The following ZBBX variants were observed in gnomAD, a reference collection of about 807,000 sequenced individuals.
ZBBX encodes zinc finger B-box domain containing.
In ZBBX, 101 loss-of-function variants were observed where a neutral mutation model predicts 108.5. That is an observed-to-expected ratio of 0.93 (90% confidence interval 0.79 to 1.10). The LOEUF is 1.10. ZBBX is among the 50% of genes least tolerant of loss of function. The pLI, the probability that ZBBX is intolerant of heterozygous loss-of-function variation, is 0.00. For missense variants in ZBBX, 1,009 were observed against 941.4 expected (o/e 1.07, Z -0.94); for synonymous variants, 356 against 323.4 (o/e 1.10, Z -1.08).
At position 167,288,980 on chromosome 3, in the gene ZBBX, T is replaced by C; in HGVS notation, c.1883A>G (p.Asp628Gly). The C allele has an allele frequency of 6.6e-7, 1 of 1,526,450 alleles. No homozygotes were observed. The highest frequency in any genetic ancestry group is 8.8e-7 in the Non-Finnish European group (1 of 1,133,154). The allele number at this position is 1,526,450 out of a possible 1,614,324, so 94.6% of individuals were successfully genotyped here. ...NSSTRITLAE[D>G]REWIPDHSLS... ...GCTATGGTCTGGAATCCATTCTCTG[T>C]CTTCTGAAATTGAAAAACAGTAAGA... The change falls in exon 19 of 22, where the codon GAC becomes GGC. Residue 628 changes from aspartate (D) to glycine (G), a missense_variant. By Grantham distance (94) the Asp-to-Gly change is moderately conservative. Transcript: ENST00000675490.
the ZBBX span, among the ~76,000 whole-genome samples, chr3:167,187,998 C>T: frequency 3.9e-5 from 6 of 152,090 alleles, no homozygotes; most frequent in Admixed American, 3.3e-4. Context: ...TCCAGAATTA[C>T]GTATTTTCCA....
intron 3 of ZBBX, 105 bp from the exon 4 acceptor site, chr3:167,373,055 C>G: frequency 1.9e-6 from 1 of 532,958 alleles, no homozygotes; most frequent in East Asian, 3.2e-5. Flanking sequence ...ACCTTATGAG[C>G]AAAAAGGCTG....
Position 167,333,923 on chromosome 3 carries a change from AT to A in ZBBX, c.590del (p.Asn197IlefsTer34), listed in dbSNP as rs749955948. On this transcript the variant is annotated frameshift_variant, in exon 10 of 22. Coordinates refer to ENST00000675490, the MANE Select transcript of ZBBX (RefSeq NM_001199201.2). LOFTEE classifies it high-confidence loss of function. ...TATTCTCCTCTTTGGGTTCATCTGGATTAACATCCTTTATAAACTGATGGGC... is the reference window on the plus strand; with the variant it reads ...TATTCTCCTCTTTGGGTTCATCTGGATAACATCCTTTATAAACTGATGGGC... ...DVAHQFIKDV[N>X]PDEPKEENNS... is the part of the protein sequence containing the mutation. 147 of 1,611,812 alleles carry A rather than the reference AT, an allele frequency of 9.1e-5. No homozygotes were observed. Among genetic ancestry groups the A allele is most frequent in the Non-Finnish European group, 1.2e-4 (142 of 1,178,790 alleles).
chr3:167,275,354 T>A (rs965775704), intron 20 of ZBBX, among the ~76,000 whole-genome samples: 14 of 152,184 alleles, frequency 9.2e-5, no homozygotes, highest in African/African-American at 3.4e-4. Flanking sequence ...TTTCTGCATT[T>A]CCATCTGAGG....
intron 18 of ZBBX, among the ~76,000 whole-genome samples, chr3:167,296,949 G>A (rs1369960709): frequency 6.6e-6 from 1 of 151,990 alleles, no homozygotes; most frequent in African/African-American, 2.4e-5. Flanking sequence ...AAAGCTGGAA[G>A]ACTCACACTT....
Position 167,261,769 on chromosome 3 carries a change from C to A in ZBBX, c.2255-19126G>T, listed in dbSNP as rs949875923. Among the ~76,000 whole-genome samples the A allele has an allele frequency of 2.9e-4, 34 of 115,798 alleles. 1 individual carries two copies. The highest frequency in any genetic ancestry group is 5.0e-4 in the Non-Finnish European group (29 of 57,946). The allele number at this position is 115,798 out of a possible 152,430, so 76.0% of individuals were successfully genotyped here. ...AACTTGTCCCAGGCTACCCGCCTCCCAACTGCAAAAAAAAAAAAAAAAAAA... is the reference window on the plus strand; with the variant it reads ...AACTTGTCCCAGGCTACCCGCCTCCAAACTGCAAAAAAAAAAAAAAAAAAA... On this transcript the variant is annotated intron_variant, in intron 20 of 21. Coordinates refer to ENST00000675490, the MANE Select transcript of ZBBX (RefSeq NM_001199201.2).
chr3:167,394,032 A>G (rs1216047074), intron 1 of ZBBX, among the ~76,000 whole-genome samples: 1 of 151,990 alleles, frequency 6.6e-6, no homozygotes, highest in Non-Finnish European at 1.5e-5. Flanking sequence ...CAGATTTTCC[A>G]TACATACCAA....
chr3:167,222,576 T>C, the ZBBX span, among the ~76,000 whole-genome samples: 5 of 152,114 alleles, frequency 3.3e-5, no homozygotes, highest in South Asian at 2.1e-4. Context: ...CATATAATTA[T>C]ATTGTTTGTA....
At chr3:167,397,433 T>C (rs1338724657) in intron 1 of ZBBX, among the ~76,000 whole-genome samples, 99 of 151,984 alleles carry the variant, frequency 6.5e-4, no homozygotes, top group Non-Finnish European at 1.0e-4. Flanking sequence ...ACACACTTTT[T>C]TCTTTTTCAT....
the ZBBX span, among the ~76,000 whole-genome samples, chr3:167,191,934 T>G: frequency 0.24 from 30,934 of 130,184 alleles, 4,714 homozygotes; most frequent in Non-Finnish European, 0.26. Flanking sequence ...TATATATATA[T>G]AGAGCAAGTT....
At chr3:167,317,354 C>T (rs1576981729) in intron 13 of ZBBX, 134 bp downstream of exon 13, 1 of 708,704 alleles carries the variant, frequency 1.4e-6, no homozygotes, top group East Asian at 2.9e-5. Flanking sequence ...TGATTTTCAT[C>T]TAAAGAGAAA....
At chr3:167,362,492 CG>C (rs1424795001) in intron 6 of ZBBX, among the ~76,000 whole-genome samples, 1 of 152,164 alleles carries the variant, frequency 6.6e-6, no homozygotes, top group African/African-American at 2.4e-5. Flanking sequence ...ATCTTTCAGA[CG>C]TTCTCACTGT....
At chr3:167,336,142 T>A (rs1033951894) in intron 9 of ZBBX, among the ~76,000 whole-genome samples, 1 of 152,006 alleles carries the variant, frequency 6.6e-6, no homozygotes, top group Admixed American at 6.6e-5. Context: ...CAAATATATG[T>A]TTATTTAAGT....
chr3:167,252,222 C>T, intron 20 of ZBBX: 1 of 1,281,974 alleles, frequency 7.8e-7, no homozygotes, highest in Non-Finnish European at 1.0e-6. Flanking sequence ...CTAGAAATAG[C>T]AGAAAACAAG....
At chr3:167,326,520 A>G (rs1323486181) in intron 11 of ZBBX, among the ~76,000 whole-genome samples, 3 of 152,088 alleles carry the variant, frequency 2.0e-5, no homozygotes, top group Non-Finnish European at 4.4e-5. Flanking sequence ...TGATCTGGTG[A>G]CTTTTCAACT....
In ZBBX at chr3:167,376,856, T is replaced by C. The variant is rs527732314; in HGVS notation, c.-132+2782A>G. On this transcript the variant is annotated intron_variant, in intron 2 of 21. Transcript: ENST00000675490. ...TCATATTATTCTGCCTGTTTCCTTT[T>C]GTAAAGCCAACAGAGAATTTAGTCA... 9.2e-5 allele frequency among the ~76,000 whole-genome samples: 14 copies of C among 152,322 alleles called. No individual in the cohort carries two copies. In the East Asian group the frequency reaches 2.5e-3, roughly 27 times the overall value.
intron 6 of ZBBX, among the ~76,000 whole-genome samples, chr3:167,362,164 C>T (rs1457304944): frequency 6.6e-6 from 1 of 152,000 alleles, no homozygotes; most frequent in Non-Finnish European, 1.5e-5. Flanking sequence ...TGTACATATA[C>T]ATATATAATA....
chr3:167,285,067 A>C (rs1258875403), intron 19 of ZBBX, among the ~76,000 whole-genome samples: 1 of 152,136 alleles, frequency 6.6e-6, no homozygotes, highest in Admixed American at 6.6e-5. Flanking sequence ...TTATTGGTTA[A>C]CACTGATCAG....
upstream of ZBBX, among the ~76,000 whole-genome samples, chr3:167,383,537 G>A (rs1326843908): frequency 1.1e-4 from 17 of 152,016 alleles, no homozygotes; most frequent in Admixed American, 1.1e-3. Flanking sequence ...GGTGACATTG[G>A]CCTTTTATAA....
Sources: gnomAD v4.1 joint callset for allele counts (sites outside exome capture counted in the v4.1 genomes callset) on GRCh38, gnomAD v4.1.1 for gene constraint, MANE v1.5 for transcripts, NCBI Gene and HGNC (gene_info 2026-07-23, HGNC 2026-07-21) for gene names.